DIP2B: variants seen among roughly 807,000 people sequenced by gnomAD.
DIP2B encodes the protein DIP2 acetate--CoA ligase B (putative).
DIP2B carries 76 observed loss-of-function variants against 198.0 expected under a neutral mutation model. The ratio of observed to expected loss-of-function variants is 0.38; its 90% CI spans 0.32 to 0.46. DIP2B has a LOEUF of 0.46. Ranked by LOEUF, DIP2B falls within the 20% of genes least tolerant of loss-of-function variation. The pLI is 0.99. For missense variants in DIP2B, 1,559 were observed against 1,978.4 expected, an observed-to-expected ratio of 0.79 and a Z score of 4.02; for synonymous variants, 701 against 739.1, an observed-to-expected ratio of 0.95 and a Z score of 0.84.
At chr12:50,644,119 G>T (rs1033007636) in intron 3 of DIP2B, among the ~76,000 whole-genome samples, 1 of 152,096 alleles carries the variant, frequency 6.6e-6, no homozygotes, top group Admixed American at 6.5e-5. Flanking sequence ...ACAGTATAAA[G>T]AACTTACCTT....
chr12:50,508,864 G>C (rs1371949781), intron 1 of DIP2B, among the ~76,000 whole-genome samples: 1 of 151,990 alleles, frequency 6.6e-6, no homozygotes, highest in African/African-American at 2.4e-5. Context: ...GCGCCACCAC[G>C]CCTGGCTAAT....
At chr12:50,576,472 C>G (rs775495451) in intron 1 of DIP2B, among the ~76,000 whole-genome samples, 1 of 151,172 alleles carries the variant, frequency 6.6e-6, no homozygotes, top group Non-Finnish European at 1.5e-5. Flanking sequence ...ACGGTCTGAC[C>G]GCCCCCCACC....
At chr12:50,715,760 C>T (rs1939702880) in intron 23 of DIP2B, among the ~76,000 whole-genome samples, 1 of 152,222 alleles carries the variant, frequency 6.6e-6, no homozygotes, top group Non-Finnish European at 1.5e-5. Flanking sequence ...CTTCCTCTTA[C>T]TTATTATCCT....
intron 1 of DIP2B, among the ~76,000 whole-genome samples, chr12:50,517,215 G>T (rs1024400377): frequency 2.0e-5 from 3 of 151,660 alleles, no homozygotes; most frequent in Admixed American, 2.0e-4. Context: ...CACCGCACCC[G>T]ACCAAAAAAT....
At chr12:50,679,137 A>G (rs1049480315) in intron 8 of DIP2B, 26 of 423,502 alleles carry the variant, frequency 6.1e-5, no homozygotes, top group Non-Finnish European at 1.0e-4. Flanking sequence ...TTAACATTAC[A>G]AGAGGATTTT....
chr12:50,600,029 T>G (rs1017161800), intron 1 of DIP2B, among the ~76,000 whole-genome samples: 3 of 152,228 alleles, frequency 2.0e-5, no homozygotes, highest in Non-Finnish European at 2.9e-5. Flanking sequence ...AGAACCTTTG[T>G]TTTTAATTAG....
intron 17 of DIP2B, 99 bp downstream of exon 17, chr12:50,697,274 C>A: frequency 2.8e-6 from 3 of 1,078,296 alleles, no homozygotes; most frequent in Middle Eastern, 2.1e-4. Flanking sequence ...AACTAATTTT[C>A]TAAGCAGTTT....
chr12:50,654,165 C>A (rs771967436), intron 3 of DIP2B, among the ~76,000 whole-genome samples: 1 of 152,140 alleles, frequency 6.6e-6, no homozygotes, highest in Admixed American at 6.5e-5. Context: ...TGAACCACCA[C>A]GCCCAGCACC....
chr12:50,745,853 A>G lies in DIP2B; in HGVS notation c.*1014A>G, dbSNP rs1252657552. On this transcript the variant is annotated 3_prime_UTR_variant, in exon 38 of 38. Transcript: ENST00000301180. ...TTAGGATTTCCTCTTTTCCAGGCAC[A>G]TTGTAAACTGTGTCTACAGTTTATC... is the stretch of plus-strand genomic sequence containing the variant. The G allele has an allele frequency of 6.6e-6, 1 of 152,256 alleles. No homozygotes were observed. The highest frequency in any genetic ancestry group is 1.9e-4 in the East Asian group (1 of 5,200). The allele number at this position is 152,256 out of a possible 1,614,324, so 9.4% of individuals were successfully genotyped here.
chr12:50,642,128 G>GA (rs966403045), intron 3 of DIP2B, among the ~76,000 whole-genome samples: 14 of 148,458 alleles, frequency 9.4e-5, no homozygotes, highest in South Asian at 2.1e-4. Flanking sequence ...GTTCAGTCGG[G>GA]AAAAAAAAAA....
chr12:50,514,705 C>T (rs1958048602), intron 1 of DIP2B, among the ~76,000 whole-genome samples: 2 of 152,138 alleles, frequency 1.3e-5, no homozygotes, highest in African/African-American at 4.8e-5. Flanking sequence ...CACTCTGTTG[C>T]CCAGGCTGCA....
chr12:50,716,572 TACAAA>T (rs1436360059), intron 23 of DIP2B, among the ~76,000 whole-genome samples: 1 of 152,204 alleles, frequency 6.6e-6, no homozygotes, highest in Non-Finnish European at 1.5e-5. Flanking sequence ...TGCCACATGG[TACAAA>T]GATTTTCCTT....
In DIP2B at chr12:50,698,330, C is replaced by G; in HGVS notation, c.2051C>G (p.Pro684Arg). The change falls in exon 18 of 38, where the codon CCT (proline) becomes CGT (arginine). Residue 684 changes from proline to arginine, a missense_variant and splice_region_variant. By Grantham distance (103) the Pro-to-Arg change is moderately radical. Transcript: ENST00000301180. The stretch of plus-strand genomic sequence containing the variant: ...ACTTGATGGGTTCTTCTTTTCAGGC[C>G]TGGAGTTCCAGGAGCCCCTTTGCCA... Reference protein sequence around the residue: ...AEAMTVAIRRPGVPGAPLPGR... With the variant: ...AEAMTVAIRRRGVPGAPLPGR... The G allele has an allele frequency of 6.2e-7, 1 of 1,611,964 alleles. No individual in the cohort carries two copies. Among genetic ancestry groups the G allele is most frequent in the Middle Eastern group, 1.7e-4 (1 of 6,046 alleles).
chr12:50,535,700 AT>A (rs967198582), intron 1 of DIP2B, among the ~76,000 whole-genome samples: 1 of 150,860 alleles, frequency 6.6e-6, no homozygotes, highest in Non-Finnish European at 1.5e-5. Context: ...TTTAAATTTT[AT>A]TTTATTATTA....
intron 19 of DIP2B, 50 bp from the exon 20 acceptor site, chr12:50,704,090 A>G: frequency 1.3e-6 from 2 of 1,539,906 alleles, no homozygotes; most frequent in Non-Finnish European, 1.8e-6. Flanking sequence ...AATCACATAT[A>G]CTTTCTAAGA....
At chr12:50,535,308 G>A (rs556968890) in intron 1 of DIP2B, among the ~76,000 whole-genome samples, 1 of 151,936 alleles carries the variant, frequency 6.6e-6, no homozygotes, top group African/African-American at 2.4e-5. Flanking sequence ...GCTTATAGCT[G>A]TAATCCTAGC....
intron 1 of DIP2B, among the ~76,000 whole-genome samples, chr12:50,598,654 ATTCT>A (rs1429058210): frequency 7.4e-5 from 11 of 148,606 alleles, no homozygotes; most frequent in South Asian, 2.1e-4. Flanking sequence ...TCCCTTTTTT[ATTCT>A]TTCTTTCAGT....
chr12:50,674,723 C>T, intron 6 of DIP2B, 94 bp downstream of exon 6: 2 of 1,481,566 alleles, frequency 1.3e-6, no homozygotes, highest in Non-Finnish European at 1.8e-6. Flanking sequence ...CCAGCAGCTG[C>T]AGAACTGCAT....
intron 1 of DIP2B, among the ~76,000 whole-genome samples, chr12:50,620,796 G>T (rs77129594): frequency 0.033 from 4,992 of 152,288 alleles, 105 homozygotes; most frequent in Non-Finnish European, 0.054. Flanking sequence ...AGCTCCAGAG[G>T]TTCTGTGCTC....
Sources: gnomAD v4.1 joint callset for allele counts (sites outside exome capture counted in the v4.1 genomes callset) on GRCh38, gnomAD v4.1.1 for gene constraint, MANE v1.5 for transcripts, NCBI Gene and HGNC (gene_info 2026-07-23, HGNC 2026-07-21) for gene names.